CARNMT1: variants seen among roughly 807,000 people sequenced by gnomAD.
The protein encoded by CARNMT1 is carnosine N-methyltransferase 1, also known as protein-L-histidine N-pros-methyltransferase CARNMT1.
Under a neutral mutation model 49.6 loss-of-function variants are expected in CARNMT1, and 28 were observed. The observed-to-expected ratio is 0.56, with a 90% confidence interval of 0.42 to 0.77. CARNMT1 has a LOEUF of 0.77. Ranked by LOEUF, CARNMT1 falls within the 30% of genes least tolerant of loss-of-function variation. CARNMT1 has a pLI of 0.00. For synonymous variants in CARNMT1, 178 were observed against 175.0 expected (o/e 1.02, Z -0.13); for missense variants, 421 against 512.6 (o/e 0.82, Z 1.73).
Position 74,980,920 on chromosome 9 carries a change from A to C in CARNMT1, c.*2847T>G, listed in dbSNP as rs958311442. ...TTACTGACTTCTTAGAAGCATATAA[A>C]AATAGGCTAATCCAAGAGTTCAAAA... On this transcript the variant is annotated 3_prime_UTR_variant, in exon 8 of 8. Transcript: ENST00000376834. 5 of 152,286 alleles carry C rather than the reference A, an allele frequency of 3.3e-5. No homozygotes were observed. The highest frequency in any genetic ancestry group is 1.2e-4 in the African/African-American group (5 of 41,568). The allele number at this position is 152,286 out of a possible 1,614,324, so 9.4% of individuals were successfully genotyped here. A position where few individuals can be genotyped will look rare whatever the true frequency, so the allele number is the denominator to read the frequency against.
rs1554760544 is a variant in CARNMT1 at position 75,028,104 on chromosome 9, T to TGCCGCCGAAACCGCC, written c.123_137dup (p.Val43_Ala47dup). 2 of 1,557,062 alleles carry TGCCGCCGAAACCGCC rather than the reference T, an allele frequency of 1.3e-6. No individual in the cohort carries two copies. The highest frequency in any genetic ancestry group is 5.1e-5 in the East Asian group (2 of 39,262). Reference sequence around the variant, plus strand: ...CGGTGCTGCGCGTGGCCGCCGCCGCTGCCGCCGAAACCGCCGCGGCCGAGC... The same window carrying TGCCGCCGAAACCGCC: ...CGGTGCTGCGCGTGGCCGCCGCCGCTGCCGCCGAAACCGCCGCCGCCGAAACCGCCGCGGCCGAGC... On this transcript the variant is annotated inframe_insertion, in exon 1 of 8. Coordinates refer to ENST00000376834, the MANE Select transcript of CARNMT1 (RefSeq NM_152420.3).
At chr9:75,020,051 C>T (rs2376382) in intron 1 of CARNMT1, among the ~76,000 whole-genome samples, 1 of 151,832 alleles carries the variant, frequency 6.6e-6, no homozygotes, top group Admixed American at 6.6e-5. Context: ...AAAAACTACA[C>T]AGAAAGCAAA....
At chr9:74,999,923 G>A in intron 3 of CARNMT1, 53 bp from the exon 4 acceptor site, 1 of 1,532,236 alleles carries the variant, frequency 6.5e-7, no homozygotes, top group Non-Finnish European at 8.8e-7. Context: ...AAAAGGAAAA[G>A]ACAAAATCCA....
chr9:75,003,042 A>T (rs1587273433), intron 3 of CARNMT1, among the ~76,000 whole-genome samples: 1 of 152,008 alleles, frequency 6.6e-6, no homozygotes, highest in Non-Finnish European at 1.5e-5. Flanking sequence ...CCAGCCAAAA[A>T]TTTTTTTATT....
intron 1 of CARNMT1, among the ~76,000 whole-genome samples, chr9:75,019,515 A>G (rs554152833): frequency 3.3e-5 from 5 of 152,304 alleles, no homozygotes; most frequent in Middle Eastern, 6.8e-3. Flanking sequence ...TGATAACATT[A>G]AAGTCTAAAA....
In CARNMT1 at chr9:75,016,254, GA is replaced by G. The variant is rs1833846166; in HGVS notation, c.590+13del. The stretch of plus-strand genomic sequence containing the variant: ...ACACTTTAAAAACTTGGTTAAAAAT[GA>G]GGTACTATTTACCATCTCTCTTTTG... On this transcript the variant is annotated intron_variant, in intron 3 of 7. Coordinates refer to ENST00000376834, the MANE Select transcript of CARNMT1 (RefSeq NM_152420.3). 6.3e-7 allele frequency: 1 copy of G among 1,587,298 alleles called. No homozygotes were observed. Among genetic ancestry groups the G allele is most frequent in the South Asian group, 1.1e-5 (1 of 88,820 alleles).
chr9:74,984,308 T>C (rs1231642302), intron 7 of CARNMT1, among the ~76,000 whole-genome samples: 1 of 152,194 alleles, frequency 6.6e-6, no homozygotes, highest in Admixed American at 6.5e-5. Flanking sequence ...CCCCTTTTGT[T>C]TTCCCCAGAG....
chr9:74,999,805 G>A lies in CARNMT1; in HGVS notation c.656C>T (p.Ala219Val), dbSNP rs1221337799. 6.2e-7 allele frequency: 1 copy of A among 1,612,428 alleles called. No homozygotes were observed. The change falls in exon 4 of 8, where the codon GCT becomes GTT. Residue 219 changes from alanine (A) to valine (V), a missense_variant. This residue lies in a region of CARNMT1 where 235 missense variants were observed against 344.8 expected (regional missense o/e 0.68). Transcript: ENST00000376834. ...AGLGRLAWEI[A>V]MLGYACQGNE... ...TCCTTGACAAGCATAACCTAGCATA[G>A]CTATTTCCCAGGCCAGTCTTCCTAG...
chr9:75,028,002 G>A lies in CARNMT1; in HGVS notation c.230+10C>T. On this transcript the variant is annotated intron_variant, in intron 1 of 7. Transcript: ENST00000376834. ...ACGGTCTGGGCCGGGGTCCGCCACGGGCTCCTTACCCGTAGTAGCGGAAGG... is the reference window on the plus strand; with the variant it reads ...ACGGTCTGGGCCGGGGTCCGCCACGAGCTCCTTACCCGTAGTAGCGGAAGG... 1 of 1,557,392 alleles carries A rather than the reference G, an allele frequency of 6.4e-7. No individual in the cohort carries two copies. The highest frequency in any genetic ancestry group is 8.7e-7 in the Non-Finnish European group (1 of 1,155,596).
At chr9:75,018,268 T>A (rs1833908064) in intron 1 of CARNMT1, among the ~76,000 whole-genome samples, 1 of 152,132 alleles carries the variant, frequency 6.6e-6, no homozygotes, top group African/African-American at 2.4e-5. Flanking sequence ...TTCATCATGT[T>A]GCCCAGGCTG....
intron 3 of CARNMT1, among the ~76,000 whole-genome samples, chr9:75,004,154 C>T (rs1458898588): frequency 6.6e-6 from 1 of 152,214 alleles, no homozygotes; most frequent in Non-Finnish European, 1.5e-5. Context: ...GGATTACAGG[C>T]GTGAGCCACG....
chr9:75,008,188 A>AAC (rs1294375578), intron 3 of CARNMT1, among the ~76,000 whole-genome samples: 4 of 151,248 alleles, frequency 2.6e-5, no homozygotes, highest in African/African-American at 9.7e-5. Flanking sequence ...AAAAAAAAAA[A>AAC]AAAAAAAACC....
intron 2 of CARNMT1, 134 bp downstream of exon 2, chr9:75,017,119 C>A: frequency 1.5e-6 from 1 of 661,576 alleles, no homozygotes; most frequent in Non-Finnish European, 2.6e-6. Flanking sequence ...AATGACTGAA[C>A]ATTTAAGTTA....
intron 1 of CARNMT1, among the ~76,000 whole-genome samples, chr9:75,023,014 C>T (rs1412206769): frequency 4.6e-5 from 7 of 151,820 alleles, no homozygotes; most frequent in African/African-American, 1.2e-4. Flanking sequence ...TGGTGGCATG[C>T]GCCTGTAATC....
intron 1 of CARNMT1, among the ~76,000 whole-genome samples, chr9:75,017,945 T>C (rs534587056): frequency 6.6e-6 from 1 of 152,186 alleles, no homozygotes; most frequent in Non-Finnish European, 1.5e-5. Flanking sequence ...TAAAATTCTA[T>C]AGTGTTTTAC....
intron 7 of CARNMT1, among the ~76,000 whole-genome samples, chr9:74,984,227 C>A (rs1314986294): frequency 6.6e-6 from 1 of 152,014 alleles, no homozygotes; most frequent in Non-Finnish European, 1.5e-5. Context: ...TAGTAATGCA[C>A]ATGATTAAAA....
chr9:74,987,520 G>A (rs1033615214), intron 6 of CARNMT1, among the ~76,000 whole-genome samples: 7 of 152,144 alleles, frequency 4.6e-5, no homozygotes, highest in Non-Finnish European at 1.0e-4. Flanking sequence ...AAGAAAGCCA[G>A]AGACAAAAAG....
intron 1 of CARNMT1, among the ~76,000 whole-genome samples, chr9:75,024,206 AGCCTG>A (rs912823037): frequency 6.6e-6 from 1 of 152,240 alleles, no homozygotes; most frequent in African/African-American, 2.4e-5. Flanking sequence ...TCAGAAACAA[AGCCTG>A]GCCTGTCTTG....
Position 74,981,478 on chromosome 9 carries a change from T to C in CARNMT1, c.*2289A>G, listed in dbSNP as rs1411124279. The C allele has an allele frequency of 1.3e-5, 2 of 152,158 alleles. No homozygotes were observed. Among genetic ancestry groups the C allele is most frequent in the Non-Finnish European group, 1.5e-5 (1 of 67,992 alleles). The allele number at this position is 152,158 out of a possible 1,614,324, so 9.4% of individuals were successfully genotyped here. ...AAATCCTCCAGTGATACTTCTATTA[T>C]TGATTGATACCACATTTTCAAGTTT... is the stretch of plus-strand genomic sequence containing the variant. On this transcript the variant is annotated 3_prime_UTR_variant, in exon 8 of 8. Coordinates refer to ENST00000376834, the MANE Select transcript of CARNMT1 (RefSeq NM_152420.3).
Sources: allele counts gnomAD v4.1 joint callset (sites outside exome capture counted in the v4.1 genomes callset), GRCh38; gene constraint gnomAD v4.1.1; regional missense constraint gnomAD v4.1.1; transcripts MANE v1.5; gene names NCBI Gene and HGNC (gene_info 2026-07-23, HGNC 2026-07-21).